CNTNAP2: variants seen among roughly 807,000 people sequenced by gnomAD.
CNTNAP2 encodes the protein contactin associated protein 2, also known as contactin-associated protein-like 2.
Under a neutral mutation model 155.2 loss-of-function variants are expected in CNTNAP2, and 98 were observed. That is an observed-to-expected ratio of 0.63 (90% CI 0.54 to 0.75). The LOEUF (loss-of-function observed/expected upper bound fraction) is 0.75, where lower values mean the gene tolerates loss of function less well. CNTNAP2 is among the 30% of genes least tolerant of loss of function. The pLI is 0.00. For missense variants in CNTNAP2, 1,727 were observed against 1,688.1 expected (o/e 1.02, Z -0.40); for synonymous variants, 651 against 631.2 (o/e 1.03, Z -0.47).
At chr7:147,365,383 GAAAAAAAA>G (rs10557373) in intron 9 of CNTNAP2, among the ~76,000 whole-genome samples, 50 of 93,652 alleles carry the variant, frequency 5.3e-4, no homozygotes, top group South Asian at 3.9e-3. Flanking sequence ...ATCTCAAAAA[GAAAAAAAA>G]AAAAAAAAAA....
intron 15 of CNTNAP2, among the ~76,000 whole-genome samples, chr7:148,038,997 A>G (rs1025477611): frequency 2.0e-5 from 3 of 152,208 alleles, no homozygotes; most frequent in Admixed American, 2.0e-4. Flanking sequence ...AGACAGAACC[A>G]ATAGAAGATA....
At chr7:146,554,687 G>A (rs1450199481) in intron 1 of CNTNAP2, among the ~76,000 whole-genome samples, 1 of 152,200 alleles carries the variant, frequency 6.6e-6, no homozygotes, top group Non-Finnish European at 1.5e-5. Flanking sequence ...CAGCTCACAG[G>A]CTGGCCGTGC....
intron 8 of CNTNAP2, among the ~76,000 whole-genome samples, chr7:147,215,200 A>G (rs937714276): frequency 1.3e-5 from 2 of 152,170 alleles, no homozygotes; most frequent in South Asian, 2.1e-4. Context: ...ATACTGAAAC[A>G]TGATTATCAC....
chr7:146,693,956 G>C (rs921061829), intron 1 of CNTNAP2, among the ~76,000 whole-genome samples: 20 of 151,430 alleles, frequency 1.3e-4, no homozygotes, highest in Admixed American at 4.0e-4. Context: ...TCATTGTTCA[G>C]CTCCTAATTT....
intron 12 of CNTNAP2, among the ~76,000 whole-genome samples, chr7:147,602,881 G>C (rs953626741): frequency 6.6e-6 from 1 of 151,780 alleles, no homozygotes; most frequent in Non-Finnish European, 1.5e-5. Flanking sequence ...TCTTAATCCA[G>C]TCTATCATTG....
intron 3 of CNTNAP2, among the ~76,000 whole-genome samples, chr7:146,866,538 G>C (rs1010864411): frequency 6.6e-6 from 1 of 152,028 alleles, no homozygotes; most frequent in African/African-American, 2.4e-5. Flanking sequence ...AAAATAAAAA[G>C]TTGTGCTTTA....
At chr7:146,117,520 A>G (rs1442746794) in intron 1 of CNTNAP2, among the ~76,000 whole-genome samples, 1 of 152,148 alleles carries the variant, frequency 6.6e-6, no homozygotes, top group African/African-American at 2.4e-5. Flanking sequence ...GCGAAATTGT[A>G]ACTGAAATTG....
chr7:147,085,730 A>T (rs917223513), intron 4 of CNTNAP2: 55 of 152,264 alleles, frequency 3.6e-4, no homozygotes, highest in African/African-American at 1.3e-3. Context: ...GTATATTTTT[A>T]AATTCTCTTC....
rs751007593 is a variant in CNTNAP2 at position 147,967,365 on chromosome 7, G to A, written c.2256-10497G>A. 5.3e-5 allele frequency among the ~76,000 whole-genome samples: 8 copies of A among 152,182 alleles called. No homozygotes were observed. The East Asian group carries it at 9.7e-4, about 18-fold the overall frequency. ...TTTCCTTCTTAAACTCTAGAGTATC[G>A]GAGATTTGATCTGTTTTTTTCTAGC... On this transcript the variant is annotated intron_variant, in intron 14 of 23. Transcript: ENST00000361727.
chr7:147,127,102 A>G (rs1362551181), intron 6 of CNTNAP2, among the ~76,000 whole-genome samples: 2 of 152,352 alleles, frequency 1.3e-5, no homozygotes, highest in East Asian at 3.9e-4. Flanking sequence ...GATTGTAAAC[A>G]GGAGACGTAG....
intron 2 of CNTNAP2, among the ~76,000 whole-genome samples, chr7:146,783,188 G>C (rs996848048): frequency 6.6e-6 from 1 of 151,916 alleles, no homozygotes; most frequent in East Asian, 1.9e-4. Context: ...TGATCTCTTA[G>C]AATCTATATA....
At chr7:146,136,211 T>C (rs1797795082) in intron 1 of CNTNAP2, among the ~76,000 whole-genome samples, 1 of 152,188 alleles carries the variant, frequency 6.6e-6, no homozygotes, top group Non-Finnish European at 1.5e-5. Context: ...TAATAGTAAC[T>C]GAGTGTGATT....
chr7:148,403,258 G>C (rs1799629961), intron 22 of CNTNAP2, among the ~76,000 whole-genome samples: 1 of 151,624 alleles, frequency 6.6e-6, no homozygotes, highest in South Asian at 2.1e-4. Context: ...TCTGAGTGGT[G>C]CAATGGAAAC....
chr7:146,561,460 G>A (rs1798278295), intron 1 of CNTNAP2, among the ~76,000 whole-genome samples: 1 of 152,086 alleles, frequency 6.6e-6, no homozygotes, highest in African/African-American at 2.4e-5. Flanking sequence ...TTCCAGACCA[G>A]CCTAGGCAAC....
intron 3 of CNTNAP2, among the ~76,000 whole-genome samples, chr7:146,883,022 T>C (rs1212947402): frequency 6.6e-6 from 1 of 152,192 alleles, no homozygotes; most frequent in African/African-American, 2.4e-5. Context: ...AAACCTATTC[T>C]GATCAAACTA....
chr7:146,161,873 C>A (rs1365196253), intron 1 of CNTNAP2, among the ~76,000 whole-genome samples: 2 of 152,206 alleles, frequency 1.3e-5, no homozygotes, highest in African/African-American at 4.8e-5. Flanking sequence ...CTACAACCAT[C>A]TGATCTTTGA....
chr7:146,338,056 T>G (rs1801309064), intron 1 of CNTNAP2, among the ~76,000 whole-genome samples: 1 of 152,072 alleles, frequency 6.6e-6, no homozygotes. Context: ...CTCACCATCA[T>G]CTCATTTGCT....
chr7:148,388,161 T>C (rs1465211864), intron 22 of CNTNAP2, among the ~76,000 whole-genome samples: 2 of 152,200 alleles, frequency 1.3e-5, no homozygotes, highest in Non-Finnish European at 1.5e-5. Context: ...TTTATTATTA[T>C]ACTTTAAGTT....
chr7:146,272,935 G>A (rs1048862201), intron 1 of CNTNAP2, among the ~76,000 whole-genome samples: 3 of 152,104 alleles, frequency 2.0e-5, no homozygotes, highest in Non-Finnish European at 4.4e-5. Flanking sequence ...TGAGACCAAA[G>A]GAGAAGTGAA....
Sources: gnomAD v4.1 joint callset for allele counts (sites outside exome capture counted in the v4.1 genomes callset) on GRCh38, gnomAD v4.1.1 for gene constraint, MANE v1.5 for transcripts, NCBI Gene and HGNC (gene_info 2026-07-23, HGNC 2026-07-21) for gene names.